Variants in ASTN2 observed in about 807,000 individuals in gnomAD.
ASTN2 encodes the protein astrotactin-2.
ASTN2 carries 54 observed loss-of-function variants against 139.8 expected under a neutral mutation model. The ratio of observed to expected loss-of-function variants is 0.39; its 90% CI spans 0.31 to 0.48. ASTN2 has a LOEUF of 0.48. Ranked by LOEUF, ASTN2 falls within the 20% of genes least tolerant of loss-of-function variation. The pLI, the probability that ASTN2 is intolerant of heterozygous loss-of-function variation, is 0.95. For synonymous variants in ASTN2, 756 were observed against 719.5 expected, an observed-to-expected ratio of 1.05 and a Z score of -0.81; for missense variants, 1,565 against 1,725.1, an observed-to-expected ratio of 0.91 and a Z score of 1.64.
intron 1 of ASTN2, among the ~76,000 whole-genome samples, chr9:117,369,470 G>A (rs1034931205): frequency 1.3e-5 from 2 of 151,952 alleles, no homozygotes; most frequent in South Asian, 4.2e-4. Flanking sequence ...GAAAACTGAG[G>A]CTCCTACAGG....
chr9:117,108,683 G>C (rs1187841368), intron 4 of ASTN2, among the ~76,000 whole-genome samples: 1 of 152,150 alleles, frequency 6.6e-6, no homozygotes, highest in Non-Finnish European at 1.5e-5. Context: ...GGAATAGAAA[G>C]ACACTTAACT....
intron 13 of ASTN2, among the ~76,000 whole-genome samples, chr9:116,747,945 T>A (rs1268040299): frequency 2.6e-5 from 4 of 152,144 alleles, no homozygotes; most frequent in Non-Finnish European, 5.9e-5. Flanking sequence ...CCTTGGCCAC[T>A]TCGCCCTCCA....
chr9:117,026,322 CTTAG>C (rs1007274733), intron 6 of ASTN2, among the ~76,000 whole-genome samples: 2 of 152,044 alleles, frequency 1.3e-5, no homozygotes, highest in Non-Finnish European at 2.9e-5. Flanking sequence ...GAAGATGAAG[CTTAG>C]TTAGGATTTG....
chr9:116,720,096 G>A (rs1419669576), intron 16 of ASTN2, among the ~76,000 whole-genome samples: 1 of 152,060 alleles, frequency 6.6e-6, no homozygotes, highest in African/African-American at 2.4e-5. Context: ...TCAAAGAAAA[G>A]GCGACAGTTG....
intron 16 of ASTN2, among the ~76,000 whole-genome samples, chr9:116,705,658 G>A (rs1827970862): frequency 6.6e-6 from 1 of 152,142 alleles, no homozygotes; most frequent in South Asian, 2.1e-4. Context: ...AGTAATGAAT[G>A]CAAAGAAAAT....
intron 4 of ASTN2, among the ~76,000 whole-genome samples, chr9:117,114,393 A>G (rs554017566): frequency 4.3e-4 from 65 of 152,304 alleles, no homozygotes; most frequent in African/African-American, 1.5e-3. Flanking sequence ...CAGACAATTC[A>G]ATAATTTATC....
At chr9:117,191,325 A>G (rs1256085204) in intron 3 of ASTN2, among the ~76,000 whole-genome samples, 1 of 151,906 alleles carries the variant, frequency 6.6e-6, no homozygotes, top group Non-Finnish European at 1.5e-5. Flanking sequence ...TACTTATTGT[A>G]TAATATTAAA....
At chr9:116,426,984 AC>A (rs2118800315) in intron 22 of ASTN2, among the ~76,000 whole-genome samples, 1 of 152,276 alleles carries the variant, frequency 6.6e-6, no homozygotes, top group South Asian at 2.1e-4. Flanking sequence ...ATTATTCCGT[AC>A]TATGGAGGAC....
chr9:116,811,726 A>G (rs893762059), intron 12 of ASTN2, among the ~76,000 whole-genome samples: 6 of 152,238 alleles, frequency 3.9e-5, no homozygotes, highest in African/African-American at 1.4e-4. Context: ...ATGAAACTGT[A>G]TCTCTCATAT....
chr9:116,725,006 T>C (rs1445631879), intron 16 of ASTN2, among the ~76,000 whole-genome samples: 1 of 152,210 alleles, frequency 6.6e-6, no homozygotes, highest in Non-Finnish European at 1.5e-5. Context: ...ATGAATACAC[T>C]GACCTATTAA....
intron 19 of ASTN2, among the ~76,000 whole-genome samples, chr9:116,535,527 A>C (rs575721308): frequency 6.6e-6 from 1 of 152,098 alleles, no homozygotes; most frequent in African/African-American, 2.4e-5. Context: ...TTCTTCCTTC[A>C]GGAGCTCTTG....
At chr9:117,270,827 T>C (rs1834045959) in intron 2 of ASTN2, among the ~76,000 whole-genome samples, 2 of 152,266 alleles carry the variant, frequency 1.3e-5, no homozygotes, top group South Asian at 4.1e-4. Flanking sequence ...ATTATAACTA[T>C]TATCACTTAA....
At chr9:116,856,241 A>G (rs1194678919) in intron 11 of ASTN2, among the ~76,000 whole-genome samples, 1 of 152,188 alleles carries the variant, frequency 6.6e-6, no homozygotes, top group Admixed American at 6.5e-5. Flanking sequence ...TGAATCTATC[A>G]TACCCCATGT....
chr9:116,784,188 A>G (rs1221054490), intron 13 of ASTN2, among the ~76,000 whole-genome samples: 1 of 152,184 alleles, frequency 6.6e-6, no homozygotes, highest in African/African-American at 2.4e-5. Flanking sequence ...CGAAGTCTGT[A>G]TTGTGTTTAC....
chr9:117,298,656 G>GTATATATATATGTGTATATATATA (rs201656705), intron 1 of ASTN2, among the ~76,000 whole-genome samples: 1 of 109,990 alleles, frequency 9.1e-6, no homozygotes, highest in African/African-American at 3.3e-5. Context: ...CTTGGTGTGT[G>GTATATATATATGTGTATATATATA]TATATATATA....
At chr9:117,016,650 A>C (rs1392184771) in intron 6 of ASTN2, among the ~76,000 whole-genome samples, 1 of 109,228 alleles carries the variant, frequency 9.2e-6, no homozygotes, top group Non-Finnish European at 1.8e-5. Flanking sequence ...ATATATATAT[A>C]TATATAACCT....
At chr9:117,146,594 G>C (rs1830203625) in intron 3 of ASTN2, among the ~76,000 whole-genome samples, 1 of 151,948 alleles carries the variant, frequency 6.6e-6, no homozygotes. Flanking sequence ...ACACAGAAGG[G>C]AAGGACTAAA....
At chr9:117,059,096 G>A (rs558981492) in intron 5 of ASTN2, among the ~76,000 whole-genome samples, 160 of 152,304 alleles carry the variant, frequency 1.1e-3, no homozygotes, top group South Asian at 3.9e-3. Context: ...TGATGGTAAG[G>A]AACAAGGAGT....
chr9:116,926,036 C>T (rs1244734659), intron 10 of ASTN2, among the ~76,000 whole-genome samples: 2 of 152,096 alleles, frequency 1.3e-5, no homozygotes, highest in East Asian at 1.9e-4. Context: ...TCTTCTGAAA[C>T]TTTCTTCCTC....
Sources: gnomAD v4.1 joint callset for allele counts (sites outside exome capture counted in the v4.1 genomes callset) on GRCh38, gnomAD v4.1.1 for gene constraint, MANE v1.5 for transcripts, NCBI Gene and HGNC (gene_info 2026-07-23, HGNC 2026-07-21) for gene names.